Variants in ERCC8 observed in about 807,000 individuals in gnomAD.
The protein encoded by ERCC8 is ERCC excision repair 8, CSA ubiquitin ligase complex subunit.
ERCC8 carries 52 observed loss-of-function variants against 54.9 expected under a neutral mutation model. The observed-to-expected ratio is 0.95, with a 90% CI of 0.76 to 1.19. The LOEUF (loss-of-function observed/expected upper bound fraction) is 1.19, where lower values mean the gene tolerates loss of function less well. Ranked by LOEUF, ERCC8 falls within the 50% of genes most tolerant of loss-of-function variation. ERCC8 has a pLI of 0.00. For synonymous variants in ERCC8, 146 were observed against 157.2 expected (o/e 0.93, Z 0.53); for missense variants, 514 against 466.1 (o/e 1.10, Z -0.95).
chr5:60,912,003 TAC>T (rs1226453711), intron 4 of ERCC8, among the ~76,000 whole-genome samples: 1 of 151,786 alleles, frequency 6.6e-6, no homozygotes. Flanking sequence ...AGCCTGGTAG[TAC>T]AGTTTGAAGT....
chr5:60,898,561 A>T (rs1748784877), intron 8 of ERCC8, among the ~76,000 whole-genome samples, 161 bp from the exon 9 acceptor site: 1 of 152,076 alleles, frequency 6.6e-6, no homozygotes, highest in African/African-American at 2.4e-5. Flanking sequence ...GAATAGGATA[A>T]GCTATATAAA....
At position 60,867,087 on chromosome 5, in the gene ERCC8, C is replaced by T. The variant is rs537169902; in HGVS notation, c.*7528G>A. On this transcript the variant is annotated 3_prime_UTR_variant, in exon 12 of 12. Transcript: ENST00000676185. ...TCCTGACCTCGTGATCCATCCACCTCAGCCTCCCAAAGTGCTGGGATTATA... is the reference window on the plus strand; with the variant it reads ...TCCTGACCTCGTGATCCATCCACCTTAGCCTCCCAAAGTGCTGGGATTATA... Among the ~76,000 whole-genome samples the T allele has an allele frequency of 1.3e-5, 2 of 152,108 alleles. No individual in the cohort carries two copies. The highest frequency in any genetic ancestry group is 2.9e-5 in the Non-Finnish European group (2 of 68,018).
At chr5:60,887,593 T>C (rs939014499) in intron 10 of ERCC8, 73 bp from the exon 11 acceptor site, 89 of 1,088,226 alleles carry the variant, frequency 8.2e-5, no homozygotes, top group Middle Eastern at 4.0e-4. Context: ...TATATCATTT[T>C]TGAAATAATT....
intron 11 of ERCC8, among the ~76,000 whole-genome samples, chr5:60,875,564 G>T (rs1747972896): frequency 2.0e-5 from 3 of 152,182 alleles, no homozygotes; most frequent in Non-Finnish European, 2.9e-5. Context: ...TGGGTATTAT[G>T]AGCCAGGTTT....
At position 60,872,338 on chromosome 5, in the gene ERCC8, A is replaced by C. The variant is rs4700401; in HGVS notation, c.*2277T>G. ...TGAAACTAAAAAGCTTCTGCACAGC[A>C]AAGGAAACAATTAATAGGGTGAAGA... On this transcript the variant is annotated 3_prime_UTR_variant, in exon 12 of 12. Coordinates refer to ENST00000676185, the MANE Select transcript of ERCC8 (RefSeq NM_000082.4). Among the ~76,000 whole-genome samples the C allele has an allele frequency of 0.71, 108,677 of 151,998 alleles. 39,558 individuals are homozygous for C. Among genetic ancestry groups the C allele is most frequent in the East Asian group, 0.86 (4,438 of 5,168 alleles).
chr5:60,929,193 A>T (rs996577380), intron 1 of ERCC8, among the ~76,000 whole-genome samples: 1 of 152,238 alleles, frequency 6.6e-6, no homozygotes, highest in Admixed American at 6.5e-5. Flanking sequence ...ATTTGTACGA[A>T]AAAAGTTAAA....
intron 4 of ERCC8, among the ~76,000 whole-genome samples, chr5:60,908,342 A>G (rs904433369): frequency 5.9e-5 from 9 of 151,952 alleles, no homozygotes; most frequent in African/African-American, 1.7e-4. Flanking sequence ...ATAGTGAGGC[A>G]CAAATCTGTA....
At chr5:60,929,548 T>C (rs1040919179) in intron 1 of ERCC8, among the ~76,000 whole-genome samples, 1 of 152,094 alleles carries the variant, frequency 6.6e-6, no homozygotes, top group African/African-American at 2.4e-5. Context: ...AATCACTTCA[T>C]TGCACTCCAG....
intron 3 of ERCC8, among the ~76,000 whole-genome samples, chr5:60,919,920 T>C (rs552070969): frequency 6.6e-6 from 1 of 152,092 alleles, no homozygotes; most frequent in South Asian, 2.1e-4. Flanking sequence ...AATGGGTGGA[T>C]TGTAGGGAAC....
At chr5:60,913,463 T>C (rs941896813) in intron 4 of ERCC8, among the ~76,000 whole-genome samples, 16 of 152,032 alleles carry the variant, frequency 1.1e-4, no homozygotes, top group Non-Finnish European at 1.5e-4. Flanking sequence ...TTTTATTGCG[T>C]CTATTTGATT....
At chr5:60,877,770 G>A (rs1579981481) in intron 11 of ERCC8, among the ~76,000 whole-genome samples, 1 of 152,226 alleles carries the variant, frequency 6.6e-6, no homozygotes, top group East Asian at 1.9e-4. Context: ...GGAGATTTTG[G>A]GCTGAGACAA....
At chr5:60,892,733 G>C in intron 9 of ERCC8, 1 of 697,478 alleles carries the variant, frequency 1.4e-6, no homozygotes. Context: ...CCACCTCTGA[G>C]CTGGGCCCTG....
intron 9 of ERCC8, chr5:60,893,673 T>C (rs1415553698): frequency 3.9e-6 from 2 of 509,914 alleles, no homozygotes; most frequent in Non-Finnish European, 7.1e-6. Flanking sequence ...GACGCTCTTG[T>C]GCTGCTAGGC....
At chr5:60,939,069 C>T (rs1158809403) in intron 1 of ERCC8, among the ~76,000 whole-genome samples, 1 of 152,148 alleles carries the variant, frequency 6.6e-6, no homozygotes, top group Non-Finnish European at 1.5e-5. Context: ...TCAGCCTGTT[C>T]ACCTTTGTTA....
At chr5:60,928,383 T>C (rs1293290643) in intron 2 of ERCC8, among the ~76,000 whole-genome samples, 1 of 152,202 alleles carries the variant, frequency 6.6e-6, no homozygotes, top group East Asian at 1.9e-4. Context: ...AGGTAGGTAC[T>C]ATTGTTCCCA....
intron 11 of ERCC8, among the ~76,000 whole-genome samples, chr5:60,884,417 A>T (rs1367987705): frequency 3.4e-5 from 5 of 147,276 alleles, no homozygotes; most frequent in Admixed American, 2.7e-4. Flanking sequence ...CGGAGCTTGC[A>T]GTGAACCGAG....
intron 11 of ERCC8, among the ~76,000 whole-genome samples, chr5:60,877,044 A>T (rs548651131): frequency 3.3e-5 from 5 of 152,278 alleles, no homozygotes; most frequent in Middle Eastern, 6.8e-3. Flanking sequence ...TCCATCTTGA[A>T]TTGATTTTTG....
rs1310770107 is a variant in ERCC8, at chr5:60,868,431, A to G, written c.*6184T>C. 4.6e-5 allele frequency among the ~76,000 whole-genome samples: 7 copies of G among 152,204 alleles called. No individual in the cohort carries two copies. The highest frequency in any genetic ancestry group is 1.7e-4 in the African/African-American group (7 of 41,446). On this transcript the variant is annotated 3_prime_UTR_variant, in exon 12 of 12. Transcript: ENST00000676185. ...AGTCAAGAGGACATTGGGCACCTGA[A>G]AAGTCCTACACACAGAGAACTAAGA... is the stretch of plus-strand genomic sequence containing the variant.
intron 9 of ERCC8, chr5:60,892,263 C>G (rs932117230): frequency 3.6e-6 from 2 of 553,372 alleles, no homozygotes; most frequent in African/African-American, 3.8e-5. Flanking sequence ...TCAATGGCAT[C>G]TGCTATTTCC....
Sources: allele counts gnomAD v4.1 joint callset (sites outside exome capture counted in the v4.1 genomes callset), GRCh38; gene constraint gnomAD v4.1.1; transcripts MANE v1.5; gene names NCBI Gene and HGNC (gene_info 2026-07-23, HGNC 2026-07-21).